SDCCAG8: variants seen among roughly 807,000 people sequenced by gnomAD.
SDCCAG8 encodes the protein serologically defined colon cancer antigen 8.
A neutral mutation model predicts 101.8 loss-of-function variants in SDCCAG8; 74 were observed. That is an observed-to-expected ratio of 0.73 (90% CI 0.60 to 0.88). SDCCAG8 has a LOEUF of 0.88. SDCCAG8 is among the 40% of genes least tolerant of loss of function. SDCCAG8 has a pLI of 0.00. For synonymous variants in SDCCAG8, 281 were observed against 292.9 expected, an observed-to-expected ratio of 0.96 and a Z score of 0.41; for missense variants, 787 against 822.6, an observed-to-expected ratio of 0.96 and a Z score of 0.53.
intron 16 of SDCCAG8, among the ~76,000 whole-genome samples, chr1:243,482,419 A>G (rs1046434552): frequency 2.6e-5 from 4 of 152,162 alleles, no homozygotes; most frequent in Admixed American, 1.3e-4. Flanking sequence ...TTCCCATGGT[A>G]ACTGCTGCCC....
chr1:243,437,703 A>AT (rs530270653), intron 16 of SDCCAG8, among the ~76,000 whole-genome samples: 53 of 151,546 alleles, frequency 3.5e-4, no homozygotes, highest in Middle Eastern at 3.4e-3. Flanking sequence ...GGCCTGGCTA[A>AT]TTTTTTTTGT....
intron 16 of SDCCAG8, among the ~76,000 whole-genome samples, chr1:243,485,455 G>C (rs3006923): frequency 0.28 from 41,871 of 152,016 alleles, 6,239 homozygotes; most frequent in African/African-American, 0.39. Context: ...CCACAAATAT[G>C]ACAGAGCAGT....
intron 13 of SDCCAG8, 85 bp from the exon 14 acceptor site, chr1:243,415,617 C>T (rs2080520655): frequency 6.4e-7 from 1 of 1,573,688 alleles, no homozygotes; most frequent in Admixed American, 1.7e-5. Context: ...TACTACGTAT[C>T]AGCTCTCTCT....
intron 4 of SDCCAG8, among the ~76,000 whole-genome samples, chr1:243,282,370 T>G (rs2069137253): frequency 6.6e-6 from 1 of 152,206 alleles, no homozygotes; most frequent in African/African-American, 2.4e-5. Flanking sequence ...TTATAACATT[T>G]CTGCCATTAA....
chr1:243,268,652 G>C (rs2067827568), intron 1 of SDCCAG8, among the ~76,000 whole-genome samples: 1 of 152,178 alleles, frequency 6.6e-6, no homozygotes, highest in Non-Finnish European at 1.5e-5. Flanking sequence ...TGCAAGTAAA[G>C]AAACTGTATT....
At chr1:243,490,732 G>T (rs1303860163) in intron 17 of SDCCAG8, among the ~76,000 whole-genome samples, 1 of 152,192 alleles carries the variant, frequency 6.6e-6, no homozygotes, top group Non-Finnish European at 1.5e-5. Flanking sequence ...ATCTTCAGAG[G>T]GTCCTGGGAG....
chr1:243,307,611 C>T, intron 7 of SDCCAG8: 1 of 984,970 alleles, frequency 1.0e-6, no homozygotes, highest in Non-Finnish European at 1.2e-6. Context: ...TATATTACCC[C>T]ACCCCTTTTT....
At chr1:243,326,032 A>C (rs2074122664) in intron 9 of SDCCAG8, among the ~76,000 whole-genome samples, 1 of 151,868 alleles carries the variant, frequency 6.6e-6, no homozygotes. Flanking sequence ...AATTGTTGAG[A>C]GGTATGTGTA....
At chr1:243,260,217 C>T (rs746918923) in intron 1 of SDCCAG8, among the ~76,000 whole-genome samples, 1 of 152,166 alleles carries the variant, frequency 6.6e-6, no homozygotes, top group Non-Finnish European at 1.5e-5. Flanking sequence ...AGTAAATGGT[C>T]TGAAAGTTTC....
chr1:243,461,435 T>C (rs1371930586), intron 16 of SDCCAG8, among the ~76,000 whole-genome samples: 2 of 152,204 alleles, frequency 1.3e-5, no homozygotes, highest in Admixed American at 1.3e-4. Context: ...GAGAGTAGCA[T>C]CTGAAGTCTT....
At chr1:243,290,517 C>T (rs759143256) in intron 5 of SDCCAG8, among the ~76,000 whole-genome samples, 1 of 152,062 alleles carries the variant, frequency 6.6e-6, no homozygotes, top group African/African-American at 2.4e-5. Context: ...TTGACTCTAC[C>T]GAGAGAATCA....
intron 1 of SDCCAG8, among the ~76,000 whole-genome samples, chr1:243,265,823 A>T (rs1303052264): frequency 1.3e-5 from 2 of 152,164 alleles, no homozygotes; most frequent in East Asian, 3.8e-4. Context: ...CAAAAAAAAA[A>T]AAAACTCCTG....
In SDCCAG8 at chr1:243,492,137, C is replaced by T. The variant is rs1024436706; in HGVS notation, c.2112+2997C>T. On this transcript the variant is annotated intron_variant, in intron 17 of 17. Transcript: ENST00000366541. The stretch of plus-strand genomic sequence containing the variant: ...AATTGTTTCTGCTTGAATTCTGAAA[C>T]ACTCACAACAACATGGCTGGCAGAG... Among the ~76,000 whole-genome samples, 15 of 151,780 alleles carry T rather than the reference C, an allele frequency of 9.9e-5. 1 individual carries two copies. The highest frequency in any genetic ancestry group is 3.6e-4 in the African/African-American group (15 of 41,298).
At chr1:243,318,458 T>G (rs900990917) in intron 9 of SDCCAG8, 155 of 521,626 alleles carry the variant, frequency 3.0e-4, no homozygotes, top group South Asian at 6.6e-4. Context: ...CCCCGTGACA[T>G]GAGTTTGCCT....
Position 243,256,256 on chromosome 1 carries a change from C to CCT in SDCCAG8, c.67+19_67+20dup, listed in dbSNP as rs2066659937. On this transcript the variant is annotated intron_variant, in intron 1 of 17. Coordinates refer to ENST00000366541, the MANE Select transcript of SDCCAG8 (RefSeq NM_006642.5). Reference sequence around the variant, plus strand: ...AGTCTCCGGGGTGAGTTGCTCCAAACCTCTGTCCCTAGCCCCGAGGTGCCC... The same window carrying CCT: ...AGTCTCCGGGGTGAGTTGCTCCAAACCTCTCTGTCCCTAGCCCCGAGGTGCCC... The CCT allele has an allele frequency of 1.1e-5, 18 of 1,612,586 alleles. No homozygotes were observed. The highest frequency in any genetic ancestry group is 1.5e-5 in the Non-Finnish European group (18 of 1,178,552).
At chr1:243,487,168 G>A (rs1010112132) in intron 16 of SDCCAG8, among the ~76,000 whole-genome samples, 1 of 152,184 alleles carries the variant, frequency 6.6e-6, no homozygotes, top group East Asian at 1.9e-4. Context: ...AATGGTGGCC[G>A]CCTGCCTGTG....
At chr1:243,456,569 A>G (rs549012644) in intron 16 of SDCCAG8, among the ~76,000 whole-genome samples, 2 of 152,192 alleles carry the variant, frequency 1.3e-5, no homozygotes, top group African/African-American at 4.8e-5. Context: ...GTTTATTTTC[A>G]TATAAATACA....
chr1:243,437,703 AT>A (rs530270653), intron 16 of SDCCAG8, among the ~76,000 whole-genome samples: 1 of 151,434 alleles, frequency 6.6e-6, no homozygotes, highest in Admixed American at 6.6e-5. Flanking sequence ...GGCCTGGCTA[AT>A]TTTTTTTGTA....
At chr1:243,484,899 A>C (rs1664474077) in intron 16 of SDCCAG8, among the ~76,000 whole-genome samples, 1 of 151,970 alleles carries the variant, frequency 6.6e-6, no homozygotes, top group Non-Finnish European at 1.5e-5. Context: ...CAAAAATTAG[A>C]CAGGTGTGGT....
Sources: gnomAD v4.1 joint callset for allele counts (sites outside exome capture counted in the v4.1 genomes callset) on GRCh38, gnomAD v4.1.1 for gene constraint, MANE v1.5 for transcripts, NCBI Gene and HGNC (gene_info 2026-07-23, HGNC 2026-07-21) for gene names.